RRM1: variants seen among roughly 807,000 people sequenced by gnomAD.
RRM1 encodes ribonucleoside-diphosphate reductase large subunit.
RRM1 carries 19 observed loss-of-function variants against 101.5 expected under a neutral mutation model. The observed-to-expected ratio is 0.19, with a 90% CI of 0.13 to 0.27. The LOEUF (loss-of-function observed/expected upper bound fraction) is 0.27, where lower values mean the gene tolerates loss of function less well. RRM1 is among the 10% of genes least tolerant of loss of function. The pLI is 1.00. For missense variants in RRM1, 500 were observed against 962.9 expected (o/e 0.52, Z 6.36); for synonymous variants, 298 against 323.4 (o/e 0.92, Z 0.84).
rs1041097251 is a variant in RRM1 at position 4,120,465 on chromosome 11, G to A, written c.876+537G>A. Among the ~76,000 whole-genome samples the A allele has an allele frequency of 3.0e-4, 45 of 151,958 alleles. 1 individual carries two copies. Among genetic ancestry groups the A allele is most frequent in the Non-Finnish European group, 1.5e-5 (1 of 68,018 alleles). ...CGTAGCCTTGACCTCCTGGACTTAAGTGATTCTTCTGCCTCAGCCCTCCCA... is the reference window on the plus strand; with the variant it reads ...CGTAGCCTTGACCTCCTGGACTTAAATGATTCTTCTGCCTCAGCCCTCCCA... On this transcript the variant is annotated intron_variant, in intron 9 of 18. Coordinates refer to ENST00000300738, the MANE Select transcript of RRM1 (RefSeq NM_001033.5).
At chr11:4,115,619 C>T (rs548572652) in intron 7 of RRM1, among the ~76,000 whole-genome samples, 55 of 152,068 alleles carry the variant, frequency 3.6e-4, no homozygotes, top group African/African-American at 1.3e-3. Flanking sequence ...TGCAGTGGCA[C>T]GATTTTGGCT....
intron 12 of RRM1, 32 bp from the exon 13 acceptor site, chr11:4,126,652 G>C (rs753365214): frequency 1.3e-6 from 2 of 1,581,468 alleles, no homozygotes; most frequent in African/African-American, 2.7e-5. Flanking sequence ...AATAAAAATT[G>C]TGTGATTCTT....
At chr11:4,124,920 A>ATT (rs561272177) in intron 12 of RRM1, among the ~76,000 whole-genome samples, 7 of 83,606 alleles carry the variant, frequency 8.4e-5, no homozygotes, top group South Asian at 3.6e-4. Context: ...TATTTATTTT[A>ATT]TTTTTTTTTT....
chr11:4,118,220 C>CTTT, intron 7 of RRM1, 100 bp from the exon 8 acceptor site: 4 of 908,692 alleles, frequency 4.4e-6, no homozygotes, highest in South Asian at 2.5e-5. Context: ...AACTTCAACT[C>CTTT]TTTTTTTTTT....
Position 4,095,042 on chromosome 11 carries a change from G to T in RRM1, c.19+11G>T, listed in dbSNP as rs72555757. On this transcript the variant is annotated intron_variant, in intron 1 of 18. Transcript: ENST00000300738. The stretch of plus-strand genomic sequence containing the variant: ...ATGTGATCAAGCGAGGTGAGGGGGG[G>T]ACGAGGTGGGCGAGAAGGAAGGTGA... 960 of 1,568,486 alleles carry T rather than the reference G, an allele frequency of 6.1e-4. 7 individuals carry two copies. The African/African-American group carries it at 0.012, about 19-fold the overall frequency.
chr11:4,138,915 A>G lies in RRM1; in HGVS notation c.*532A>G, dbSNP rs1169971461. ...ATTTTGTCATTTACTTTCATATAAA[A>G]GTCAAATTTGAAAAACACATTTTCT... is the stretch of plus-strand genomic sequence containing the variant. On this transcript the variant is annotated 3_prime_UTR_variant, in exon 19 of 19. Coordinates refer to ENST00000300738, the MANE Select transcript of RRM1 (RefSeq NM_001033.5). 5.6e-6 allele frequency: 1 copy of G among 177,560 alleles called. No homozygotes were observed. Among genetic ancestry groups the G allele is most frequent in the Non-Finnish European group, 1.2e-5 (1 of 82,626 alleles). The allele number at this position is 177,560 out of a possible 1,614,324, so 11.0% of individuals were successfully genotyped here.
rs232055 is a variant in RRM1, at chr11:4,101,973, A to G, written c.20-20A>G. ...TGCTAACATGAATTTAATAATTGCTAACATGATTTGATTCTTTAGATGGCC... is the reference window on the plus strand; with the variant it reads ...TGCTAACATGAATTTAATAATTGCTGACATGATTTGATTCTTTAGATGGCC... On this transcript the variant is annotated intron_variant, in intron 1 of 18. Transcript: ENST00000300738. The G allele has an allele frequency of 7.6e-7, 1 of 1,322,464 alleles. No individual in the cohort carries two copies. Among genetic ancestry groups the G allele is most frequent in the Admixed American group, 1.8e-5 (1 of 54,522 alleles). The allele number at this position is 1,322,464 out of a possible 1,614,324, so 81.9% of individuals were successfully genotyped here. A position where few individuals can be genotyped will look rare whatever the true frequency, so the allele number is the denominator to read the frequency against.
rs919240223 is a variant in RRM1 at position 4,132,956 on chromosome 11, G to A, written c.1905+535G>A. Among the ~76,000 whole-genome samples the A allele has an allele frequency of 6.6e-5, 10 of 152,038 alleles. No individual in the cohort carries two copies. The highest frequency in any genetic ancestry group is 1.9e-4 in the East Asian group (1 of 5,192). ...GTTCTGTAAAGTTCGAGAAGGATACGTTTCCAATTTTTTTAACCTAAGTAT... is the reference window on the plus strand; with the variant it reads ...GTTCTGTAAAGTTCGAGAAGGATACATTTCCAATTTTTTTAACCTAAGTAT... On this transcript the variant is annotated intron_variant, in intron 16 of 18. Coordinates refer to ENST00000300738, the MANE Select transcript of RRM1 (RefSeq NM_001033.5). The surrounding 1 kb of genome is among the most constrained non-coding windows in gnomAD (Gnocchi z 4.1).
At position 4,137,476 on chromosome 11, in the gene RRM1, G is replaced by T. The variant is rs1454675678; in HGVS notation, c.2191-719G>T. Among the ~76,000 whole-genome samples, 12 of 131,342 alleles carry T rather than the reference G, an allele frequency of 9.1e-5. 1 individual carries two copies. The highest frequency in any genetic ancestry group is 8.7e-4 in the Admixed American group (12 of 13,868). The allele number at this position is 131,342 out of a possible 152,430, so 86.2% of individuals were successfully genotyped here. On this transcript the variant is annotated intron_variant, in intron 18 of 18. Coordinates refer to ENST00000300738, the MANE Select transcript of RRM1 (RefSeq NM_001033.5). Reference sequence around the variant, plus strand: ...CACCCCCACCTCCCTCCCGGACGGGGCGGCTGGCCGGGCCGGGGGCTGAAC... The same window carrying T: ...CACCCCCACCTCCCTCCCGGACGGGTCGGCTGGCCGGGCCGGGGGCTGAAC...
intron 17 of RRM1, among the ~76,000 whole-genome samples, chr11:4,134,774 G>C (rs1348058225): frequency 6.6e-6 from 1 of 152,002 alleles, no homozygotes; most frequent in Non-Finnish European, 1.5e-5. Context: ...TTCTTTAAGT[G>C]CCTCTAGAAG....
chr11:4,125,077 G>C (rs978715775), intron 12 of RRM1, among the ~76,000 whole-genome samples: 1 of 151,798 alleles, frequency 6.6e-6, no homozygotes, highest in Non-Finnish European at 1.5e-5. Context: ...ACCACACCCA[G>C]CTAATTTTTG....
At position 4,111,633 on chromosome 11, in the gene RRM1, T is replaced by C; in HGVS notation, c.480T>C (p.Asn160=). ...TLERSYLLKI[N]GKVAERPQHM... ...AGCGGTCTTATTTGTTGAAGATCAA[T>C]GGAAAAGGTGAGAAATGAACATGTT... Residue 160 remains asparagine, a synonymous_variant, in exon 6 of 19, where the codon AAT becomes AAC. Coordinates refer to ENST00000300738, the MANE Select transcript of RRM1 (RefSeq NM_001033.5). The C allele has an allele frequency of 6.2e-7, 1 of 1,604,506 alleles. No homozygotes were observed. Among genetic ancestry groups the C allele is most frequent in the Non-Finnish European group, 8.5e-7 (1 of 1,174,612 alleles).
chr11:4,121,030 GAACA>G lies in RRM1; in HGVS notation c.877-563_877-560del, dbSNP rs769092664. On this transcript the variant is annotated intron_variant, in intron 9 of 18. Coordinates refer to ENST00000300738, the MANE Select transcript of RRM1 (RefSeq NM_001033.5). ...GCTAGAACTTGTCTCAAACAAAACA[GAACA>G]AACAAACAAAAACTCTCCCTAATTG... 3.9e-5 allele frequency among the ~76,000 whole-genome samples: 6 copies of G among 152,022 alleles called. No individual in the cohort carries two copies. The South Asian group carries it at 8.3e-4, about 21-fold the overall frequency.
intron 14 of RRM1, 32 bp from the exon 15 acceptor site, chr11:4,129,042 T>A (rs777110253): frequency 8.1e-7 from 1 of 1,236,038 alleles, no homozygotes; most frequent in Admixed American, 2.3e-5. Flanking sequence ...TTTAACTTGC[T>A]GTAGAATAAA....
chr11:4,101,332 G>A (rs1213794188), intron 1 of RRM1, among the ~76,000 whole-genome samples: 1 of 149,554 alleles, frequency 6.7e-6, no homozygotes, highest in Non-Finnish European at 1.5e-5. Flanking sequence ...TTTTTTTTTA[G>A]TTGGAGTTTC....
chr11:4,132,193 A>C lies in RRM1; in HGVS notation c.1770-93A>C. The stretch of plus-strand genomic sequence containing the variant: ...ACGATGTTACATTTACATTTACTAC[A>C]TTTATCTACATTTACTACAGTGACT... On this transcript the variant is annotated intron_variant, in intron 15 of 18. Coordinates refer to ENST00000300738, the MANE Select transcript of RRM1 (RefSeq NM_001033.5). This position sits in a 1 kb window ranked among gnomAD's most constrained non-coding sequence, Gnocchi z 4.1. The C allele has an allele frequency of 8.1e-7, 1 of 1,231,596 alleles. No homozygotes were observed. The highest frequency in any genetic ancestry group is 1.2e-6 in the Non-Finnish European group (1 of 848,012). The allele number at this position is 1,231,596 out of a possible 1,614,324, so 76.3% of individuals were successfully genotyped here.
rs1197479970 is a variant in RRM1 at position 4,111,610 on chromosome 11, C to T, written c.457C>T (p.Arg153Trp). 2 of 1,602,250 alleles carry T rather than the reference C, an allele frequency of 1.2e-6. No individual in the cohort carries two copies. Among genetic ancestry groups the T allele is most frequent in the African/African-American group, 1.3e-5 (1 of 74,538 alleles). The change falls in exon 6 of 19, where the codon CGG becomes TGG. Residue 153 changes from arginine (R) to tryptophan (W), a missense_variant. This residue lies in a region of RRM1 where 111 missense variants were observed against 219.8 expected (regional missense o/e 0.51). Transcript: ENST00000300738. ...GTTTCTCTCTTTCTAGACGCTAGAG[C>T]GGTCTTATTTGTTGAAGATCAATGG... ...YNYFGFKTLE[R>W]SYLLKINGKV...
At chr11:4,104,112 A>G (rs1239488038) in intron 2 of RRM1, among the ~76,000 whole-genome samples, 1 of 152,086 alleles carries the variant, frequency 6.6e-6, no homozygotes, top group Non-Finnish European at 1.5e-5. Context: ...CCCTGTCTCA[A>G]AAAGAAAAAA....
At chr11:4,096,683 T>C (rs2094543957) in intron 1 of RRM1, among the ~76,000 whole-genome samples, 1 of 152,054 alleles carries the variant, frequency 6.6e-6, no homozygotes. Flanking sequence ...TTTGTATTTT[T>C]TTAGAGAAGG....
Sources: allele counts gnomAD v4.1 joint callset (sites outside exome capture counted in the v4.1 genomes callset), GRCh38; gene constraint gnomAD v4.1.1; regional missense constraint gnomAD v4.1.1; non-coding constraint Gnocchi (gnomAD v3.1); transcripts MANE v1.5; gene names NCBI Gene and HGNC (gene_info 2026-07-23, HGNC 2026-07-21).